Variants in LIPA observed in about 807,000 individuals in gnomAD.
The protein encoded by LIPA is lipase A, lysosomal acid type.
LIPA carries 26 observed loss-of-function variants against 40.6 expected under a neutral mutation model. The ratio of observed to expected loss-of-function variants is 0.64; its 90% confidence interval spans 0.47 to 0.89. LIPA has a LOEUF of 0.89. LIPA is among the 40% of genes least tolerant of loss of function. LIPA has a pLI of 0.00. For synonymous variants in LIPA, 188 were observed against 168.4 expected, an observed-to-expected ratio of 1.12 and a Z score of -0.90; for missense variants, 455 against 479.6, an observed-to-expected ratio of 0.95 and a Z score of 0.48.
At chr10:89,233,638 G>A (rs891244861) in intron 3 of LIPA, among the ~76,000 whole-genome samples, 9 of 152,136 alleles carry the variant, frequency 5.9e-5, no homozygotes, top group Admixed American at 2.6e-4. Context: ...GGTGGCTCAC[G>A]CCTGTAATCC....
intron 1 of LIPA, among the ~76,000 whole-genome samples, chr10:89,288,119 T>C (rs1043236287): frequency 3.9e-5 from 6 of 152,032 alleles, no homozygotes; most frequent in African/African-American, 1.4e-4. Context: ...AAATTTCTTC[T>C]TCATCTGTTA....
chr10:89,379,524 C>T (rs2133601756), intron 2 of LIPA, among the ~76,000 whole-genome samples: 1 of 152,254 alleles, frequency 6.6e-6, no homozygotes, highest in East Asian at 1.9e-4. Flanking sequence ...AATGCTTTCA[C>T]TCAAAAGTAT....
chr10:89,366,133 T>G (rs184776285), intron 2 of LIPA, among the ~76,000 whole-genome samples: 119 of 152,240 alleles, frequency 7.8e-4, no homozygotes, highest in African/African-American at 2.8e-3. Context: ...TCGTTGAGCA[T>G]TGGTTTGTAG....
At chr10:89,237,135 C>G (rs756767247) in intron 3 of LIPA, among the ~76,000 whole-genome samples, 1 of 151,944 alleles carries the variant, frequency 6.6e-6, no homozygotes, top group Non-Finnish European at 1.5e-5. Context: ...AAAAATTAGC[C>G]GAGTATGGTT....
rs1843798396 is a variant in LIPA, at chr10:89,339,013, G to A, written c.-2+3598C>T. The A allele has an allele frequency of 1.7e-5, 27 of 1,614,146 alleles. No homozygotes were observed. The East Asian group carries it at 6.0e-4, about 36-fold the overall frequency. On this transcript the variant is annotated intron_variant, in intron 1 of 5. Coordinates refer to the LIPA transcript ENST00000282673. ...AGATGCTCAGATTTATGTAGATAAG[G>A]TGAAACAAACCTGCAAGAAATTTTC...
chr10:89,384,234 C>T, intron 2 of LIPA: 1 of 1,614,170 alleles, frequency 6.2e-7, no homozygotes, highest in Non-Finnish European at 8.5e-7. Flanking sequence ...AAGCTACAAA[C>T]TGGCAGCCTA....
chr10:89,298,068 C>T (rs1208868073), intron 1 of LIPA, among the ~76,000 whole-genome samples: 2 of 152,232 alleles, frequency 1.3e-5, no homozygotes, highest in African/African-American at 4.8e-5. Context: ...TCAGTGTACA[C>T]TTATCAGAAC....
intron 1 of LIPA, chr10:89,306,257 G>A: frequency 7.4e-6 from 12 of 1,614,130 alleles, no homozygotes; most frequent in Non-Finnish European, 1.0e-5. Context: ...GGGAAACTAT[G>A]CCTGGGTCTA....
chr10:89,281,884 C>A (rs764604948), intron 1 of LIPA, among the ~76,000 whole-genome samples: 3 of 152,204 alleles, frequency 2.0e-5, no homozygotes, highest in African/African-American at 4.8e-5. Context: ...TACATACTAT[C>A]CCTACTTAGT....
rs757055001 is a variant in LIPA at position 89,339,439 on chromosome 10, G to A, written c.-2+3172C>T. 9.9e-6 allele frequency: 16 copies of A among 1,614,060 alleles called. No homozygotes were observed. The highest frequency in any genetic ancestry group is 1.4e-5 in the Non-Finnish European group (16 of 1,180,030). On this transcript the variant is annotated intron_variant, in intron 1 of 5. Coordinates refer to the LIPA transcript ENST00000282673. ...AAAAGGTGACCTAGACAAAGCTATT[G>A]AACTGTTTCAACGGGTGTTGGAATC...
intron 1 of LIPA, among the ~76,000 whole-genome samples, chr10:89,413,246 CTT>C (rs1472206102): frequency 6.6e-6 from 1 of 152,136 alleles, no homozygotes; most frequent in Non-Finnish European, 1.5e-5. Context: ...TTTCTATTAA[CTT>C]ATCAGTTTTT....
chr10:89,411,784 G>A (rs1294272321), intron 2 of LIPA, among the ~76,000 whole-genome samples: 4 of 152,184 alleles, frequency 2.6e-5, no homozygotes, highest in South Asian at 2.1e-4. Flanking sequence ...GGGATAGCAC[G>A]AGATGCCACC....
At chr10:89,323,210 T>C (rs565854316) in intron 1 of LIPA, among the ~76,000 whole-genome samples, 26 of 152,280 alleles carry the variant, frequency 1.7e-4, no homozygotes, top group Middle Eastern at 6.8e-3. Context: ...TCTCAATAGA[T>C]ACAGAAAAGG....
intron 1 of LIPA, among the ~76,000 whole-genome samples, chr10:89,302,683 G>C (rs1159474821): frequency 6.6e-6 from 1 of 152,136 alleles, no homozygotes. Context: ...ACCCCAAAAT[G>C]CCTCCTGAGT....
intron 1 of LIPA, among the ~76,000 whole-genome samples, chr10:89,274,180 T>A (rs1843278782): frequency 6.6e-6 from 1 of 152,340 alleles, no homozygotes; most frequent in Admixed American, 6.5e-5. Flanking sequence ...TTTTTGGTTA[T>A]TTGAAATGAT....
chr10:89,392,878 C>T (rs942964549), intron 2 of LIPA, among the ~76,000 whole-genome samples: 6 of 152,104 alleles, frequency 3.9e-5, no homozygotes, highest in African/African-American at 1.2e-4. Context: ...TGTGTGTGCA[C>T]GTTCACACAT....
chr10:89,296,779 A>G (rs926256464), intron 1 of LIPA, among the ~76,000 whole-genome samples: 5 of 152,262 alleles, frequency 3.3e-5, no homozygotes, highest in Non-Finnish European at 1.5e-5. Context: ...TCTGACCTCA[A>G]TCTTTGAGGT....
chr10:89,302,983 G>T, intron 1 of LIPA, among the ~76,000 whole-genome samples: 2 of 148,138 alleles, frequency 1.4e-5, no homozygotes. Context: ...ATTATTTCCT[G>T]CTAGTCTAAA....
At chr10:89,289,279 C>T (rs1484111170) in intron 1 of LIPA, among the ~76,000 whole-genome samples, 1 of 152,226 alleles carries the variant, frequency 6.6e-6, no homozygotes, top group Non-Finnish European at 1.5e-5. Flanking sequence ...AAGCCACTAG[C>T]CCACCTCTTA....
Sources: allele counts gnomAD v4.1 joint callset (sites outside exome capture counted in the v4.1 genomes callset), GRCh38; gene constraint gnomAD v4.1.1; transcripts MANE v1.5; gene names NCBI Gene and HGNC (gene_info 2026-07-23, HGNC 2026-07-21).